TENM3: variants seen among roughly 807,000 people sequenced by gnomAD.
The protein encoded by TENM3 is teneurin transmembrane protein 3.
In TENM3, 63 loss-of-function variants were observed where a neutral mutation model predicts 255.1. The ratio of observed to expected loss-of-function variants is 0.25; its 90% CI spans 0.20 to 0.30. The LOEUF is 0.30. Among genes scored for constraint, TENM3 ranks in the 10% least tolerant of loss-of-function variants. TENM3 has a pLI of 1.00. For missense variants in TENM3, 2,929 were observed against 3,461.1 expected (o/e 0.85, Z 3.86); for synonymous variants, 1,306 against 1,322.3 (o/e 0.99, Z 0.27).
chr4:181,689,443 G>T, the TENM3 span, among the ~76,000 whole-genome samples: 3 of 152,190 alleles, frequency 2.0e-5, no homozygotes, highest in African/African-American at 7.2e-5. Flanking sequence ...CTTCAGGTCA[G>T]TGGGCACAGG....
chr4:182,317,058 A>T (rs945563781), intron 1 of TENM3, among the ~76,000 whole-genome samples: 1 of 152,184 alleles, frequency 6.6e-6, no homozygotes, highest in African/African-American at 2.4e-5. Context: ...TTTAGCTATC[A>T]GGGTAATCCA....
the TENM3 span, among the ~76,000 whole-genome samples, chr4:181,451,150 T>C: frequency 3.3e-5 from 5 of 152,234 alleles, no homozygotes; most frequent in Non-Finnish European, 7.4e-5. Flanking sequence ...GGATGTAATA[T>C]TGGAGCAGAC....
chr4:182,639,682 G>A (rs937257303), intron 5 of TENM3, among the ~76,000 whole-genome samples: 1 of 152,176 alleles, frequency 6.6e-6, no homozygotes, highest in Non-Finnish European at 1.5e-5. Context: ...AAGACAAAAT[G>A]AGAAATGAAT....
the TENM3 span, among the ~76,000 whole-genome samples, chr4:182,073,323 C>T: frequency 6.6e-6 from 1 of 152,110 alleles, no homozygotes; most frequent in Admixed American, 6.5e-5. Flanking sequence ...TGGGTCCCTC[C>T]CACAACATGT....
chr4:181,637,738 A>G, the TENM3 span, among the ~76,000 whole-genome samples: 2 of 152,336 alleles, frequency 1.3e-5, no homozygotes, highest in Admixed American at 1.3e-4. Context: ...TACCAATTGT[A>G]ACATGTTACA....
At chr4:182,498,181 G>T (rs1461850055) in intron 3 of TENM3, among the ~76,000 whole-genome samples, 1 of 152,080 alleles carries the variant, frequency 6.6e-6, no homozygotes, top group Non-Finnish European at 1.5e-5. Flanking sequence ...TCCAGAGTTT[G>T]TGGGACCAAA....
intron 3 of TENM3, among the ~76,000 whole-genome samples, chr4:182,591,811 A>T (rs1251137078): frequency 6.6e-6 from 1 of 152,190 alleles, no homozygotes; most frequent in South Asian, 2.1e-4. Flanking sequence ...TTAGGTGGTT[A>T]TATTATTAAT....
the TENM3 span, among the ~76,000 whole-genome samples, chr4:181,607,423 T>TC: frequency 6.6e-6 from 1 of 151,700 alleles, no homozygotes; most frequent in Non-Finnish European, 1.5e-5. Context: ...ATTTTTTTTT[T>TC]TTTTCTTTTT....
the TENM3 span, among the ~76,000 whole-genome samples, chr4:181,804,779 G>A: frequency 1.3e-5 from 2 of 152,102 alleles, no homozygotes; most frequent in African/African-American, 4.8e-5. Flanking sequence ...GGAGCCTGAG[G>A]CAGGAGCATC....
chr4:181,448,234 T>A, the TENM3 span, among the ~76,000 whole-genome samples: 2 of 133,918 alleles, frequency 1.5e-5, no homozygotes, highest in Admixed American at 1.7e-4. Flanking sequence ...TGGCGCGATC[T>A]CGGCTCACTG....
chr4:182,580,935 T>C (rs1007432209), intron 3 of TENM3, among the ~76,000 whole-genome samples: 2 of 152,236 alleles, frequency 1.3e-5, no homozygotes, highest in East Asian at 1.9e-4. Context: ...ATTATCTTGC[T>C]CAAATAATCA....
At chr4:181,472,592 G>A in the TENM3 span, among the ~76,000 whole-genome samples, 1 of 151,054 alleles carries the variant, frequency 6.6e-6, no homozygotes, top group South Asian at 2.1e-4. Flanking sequence ...AAATCCTCCT[G>A]ACTTGAAGGG....
chr4:182,254,333 C>CTTT lies in TENM3; in HGVS notation c.-76+10866_-76+10868dup, dbSNP rs36054102. 5.6e-3 allele frequency among the ~76,000 whole-genome samples: 818 copies of CTTT among 146,392 alleles called. 7 individuals are homozygous for CTTT. Among genetic ancestry groups the CTTT allele is most frequent in the African/African-American group, 0.018 (722 of 40,244 alleles). On this transcript the variant is annotated intron_variant, in intron 1 of 27. Transcript: ENST00000511685. Reference sequence around the variant, plus strand: ...TTTTTTGAGGACTTTTTCTCTCTCTCTTTTTTTTTTTGTAGTTATTGAAGC... The same window carrying CTTT: ...TTTTTTGAGGACTTTTTCTCTCTCTCTTTTTTTTTTTTTTGTAGTTATTGAAGC...
At chr4:181,564,036 TTTTC>T in the TENM3 span, among the ~76,000 whole-genome samples, 1,077 of 110,032 alleles carry the variant, frequency 9.8e-3, 25 homozygotes, top group African/African-American at 0.02. Flanking sequence ...TTCTTTTCTT[TTTTC>T]TTTTTTTTTT....
At chr4:181,890,255 C>T in the TENM3 span, among the ~76,000 whole-genome samples, 1 of 152,146 alleles carries the variant, frequency 6.6e-6, no homozygotes, top group East Asian at 1.9e-4. Context: ...TCAGAATTGT[C>T]ACATTTTAGT....
chr4:182,018,120 A>G, the TENM3 span, among the ~76,000 whole-genome samples: 1 of 152,230 alleles, frequency 6.6e-6, no homozygotes, highest in Admixed American at 6.5e-5. Context: ...GTACAACCAG[A>G]TAACTTACCG....
intron 3 of TENM3, among the ~76,000 whole-genome samples, chr4:182,473,869 G>A (rs1320407758): frequency 6.6e-6 from 1 of 151,264 alleles, no homozygotes; most frequent in Non-Finnish European, 1.5e-5. Context: ...GAGGCTGGAG[G>A]ATAGCTTGAA....
chr4:182,270,298 A>T (rs1292901791), intron 1 of TENM3, among the ~76,000 whole-genome samples: 1 of 152,202 alleles, frequency 6.6e-6, no homozygotes, highest in East Asian at 1.9e-4. Context: ...AGATGGCTTT[A>T]CAGGTTCATT....
At chr4:182,240,227 C>G (rs1561230627), upstream of TENM3, among the ~76,000 whole-genome samples, 1 of 152,132 alleles carries the variant, frequency 6.6e-6, no homozygotes, top group Non-Finnish European at 1.5e-5. Context: ...GTCACTGACT[C>G]TGAGTTTGGG....
Sources: gnomAD v4.1 joint callset for allele counts (sites outside exome capture counted in the v4.1 genomes callset) on GRCh38, gnomAD v4.1.1 for gene constraint, MANE v1.5 for transcripts, NCBI Gene and HGNC (gene_info 2026-07-23, HGNC 2026-07-21) for gene names.